HDAC9: variants seen among roughly 807,000 people sequenced by gnomAD.
HDAC9 encodes histone deacetylase 9.
In HDAC9, 41 loss-of-function variants were observed where a neutral mutation model predicts 139.4. That is an observed-to-expected ratio of 0.29 (90% CI 0.23 to 0.38). HDAC9 has a LOEUF of 0.38. Ranked by LOEUF, HDAC9 falls within the 10% of genes least tolerant of loss-of-function variation. The pLI, the probability that HDAC9 is intolerant of heterozygous loss-of-function variation, is 1.00. For missense variants in HDAC9, 1,147 were observed against 1,297.0 expected, an observed-to-expected ratio of 0.88 and a Z score of 1.78; for synonymous variants, 517 against 476.2, an observed-to-expected ratio of 1.09 and a Z score of -1.12.
intron 17 of HDAC9, among the ~76,000 whole-genome samples, chr7:18,827,012 G>A (rs1562968639): frequency 6.6e-6 from 1 of 151,374 alleles, no homozygotes; most frequent in Admixed American, 6.6e-5. Context: ...CAGCACTTTG[G>A]GACTCCAAGG....
chr7:18,101,942 A>T (rs1334350733), intron 1 of HDAC9, among the ~76,000 whole-genome samples: 1 of 152,212 alleles, frequency 6.6e-6, no homozygotes, highest in Non-Finnish European at 1.5e-5. Context: ...CTCATAAATT[A>T]CTATATTTTA....
chr7:18,637,518 GA>G (rs1784281124), intron 8 of HDAC9, among the ~76,000 whole-genome samples: 1 of 151,872 alleles, frequency 6.6e-6, no homozygotes, highest in South Asian at 2.1e-4. Flanking sequence ...ATTAAAAAAA[GA>G]AAAACAAAAC....
At chr7:18,762,127 G>GT in intron 14 of HDAC9, 30 bp from the exon 15 acceptor site, 1 of 1,612,658 alleles carries the variant, frequency 6.2e-7, no homozygotes, top group South Asian at 1.1e-5. Flanking sequence ...TGTCAGTGGT[G>GT]TACTGTTGGC....
intron 2 of HDAC9, among the ~76,000 whole-genome samples, chr7:18,511,727 A>C (rs1017531722): frequency 6.6e-5 from 10 of 152,190 alleles, no homozygotes; most frequent in Non-Finnish European, 1.0e-4. Context: ...CAGGTAACAG[A>C]GATTATCTTT....
intron 1 of HDAC9, among the ~76,000 whole-genome samples, chr7:18,418,481 A>T (rs1178973147): frequency 6.6e-6 from 1 of 151,714 alleles, no homozygotes; most frequent in Non-Finnish European, 1.5e-5. Flanking sequence ...TAAAAATAAG[A>T]TAATGAAATA....
intron 1 of HDAC9, among the ~76,000 whole-genome samples, chr7:18,117,978 G>T (rs1013111764): frequency 1.3e-5 from 2 of 152,112 alleles, no homozygotes; most frequent in Non-Finnish European, 2.9e-5. Context: ...ACTGGGCTCT[G>T]TTTCCTCCCC....
At chr7:18,219,029 C>A (rs561733178) in intron 2 of HDAC9, among the ~76,000 whole-genome samples, 18 of 151,998 alleles carry the variant, frequency 1.2e-4, no homozygotes, top group Admixed American at 2.0e-4. Flanking sequence ...ATTGCCATAA[C>A]AAAATGATGC....
At chr7:18,707,988 A>G (rs1285335141) in intron 12 of HDAC9, among the ~76,000 whole-genome samples, 3 of 152,146 alleles carry the variant, frequency 2.0e-5, no homozygotes, top group Non-Finnish European at 4.4e-5. Flanking sequence ...ATACAGGAGC[A>G]TGGATGATTG....
chr7:18,531,772 G>A (rs964977575), intron 2 of HDAC9, among the ~76,000 whole-genome samples: 3 of 151,808 alleles, frequency 2.0e-5, no homozygotes, highest in Non-Finnish European at 4.4e-5. Flanking sequence ...CTTAACCTCC[G>A]AGAACCACAC....
intron 17 of HDAC9, among the ~76,000 whole-genome samples, chr7:18,813,399 C>T (rs976401491): frequency 6.6e-6 from 1 of 152,058 alleles, no homozygotes. Context: ...CATCCTTCTT[C>T]TTCCTAGTCA....
chr7:18,647,929 A>G lies in HDAC9; in HGVS notation c.1180A>G (p.Ser394Gly), dbSNP rs1787967018. The G allele has an allele frequency of 6.2e-7, 1 of 1,612,954 alleles. No homozygotes were observed. The change falls in exon 10 of 26, where the codon AGC (serine) becomes GGC (glycine). Residue 394 changes from serine (S) to glycine (G), a missense_variant. This residue lies in a region of HDAC9 where 264 missense variants were observed against 273.8 expected (regional missense o/e 0.96). Coordinates refer to ENST00000686413, the MANE Select transcript of HDAC9 (RefSeq NM_178425.4). ...TTTAGAGGGAAAGCCACCCAACAGC[A>G]GCCACCAGGCTCTCCTGCAGCATTT... The part of the protein sequence containing the change: ...VTLEGKPPNS[S>G]HQALLQHLLL...
intron 25 of HDAC9, among the ~76,000 whole-genome samples, chr7:18,986,152 A>G (rs756206733): frequency 2.4e-4 from 1 of 4,088 alleles, no homozygotes; most frequent in South Asian, 4.1e-3. Context: ...GCCCATGCCT[A>G]TGTCCTGAAT....
chr7:18,211,457 A>T (rs1459671302), intron 2 of HDAC9, among the ~76,000 whole-genome samples: 2 of 152,204 alleles, frequency 1.3e-5, no homozygotes, highest in Non-Finnish European at 2.9e-5. Flanking sequence ...GCATGTGAAA[A>T]TGACGTGCTT....
At chr7:18,212,217 C>T (rs1791989701) in intron 2 of HDAC9, among the ~76,000 whole-genome samples, 1 of 152,062 alleles carries the variant, frequency 6.6e-6, no homozygotes, top group Admixed American at 6.6e-5. Flanking sequence ...AAAAAATCTT[C>T]TTTATCTTTT....
intron 23 of HDAC9, among the ~76,000 whole-genome samples, chr7:18,945,694 T>G (rs942203361): frequency 6.6e-6 from 1 of 152,120 alleles, no homozygotes; most frequent in Non-Finnish European, 1.5e-5. Flanking sequence ...GAGGTCAGGT[T>G]TGTTTGTTTC....
chr7:18,333,948 A>G (rs1165702152), intron 1 of HDAC9, among the ~76,000 whole-genome samples: 1 of 151,272 alleles, frequency 6.6e-6, no homozygotes, highest in Non-Finnish European at 1.5e-5. Flanking sequence ...AAAAATAGAA[A>G]TTATAAGCTA....
intron 1 of HDAC9, among the ~76,000 whole-genome samples, chr7:18,442,976 G>T (rs1791928260): frequency 6.6e-6 from 1 of 152,160 alleles, no homozygotes; most frequent in Non-Finnish European, 1.5e-5. Flanking sequence ...ATAGCTGATT[G>T]ACTCCTAATA....
At chr7:18,090,491 A>G (rs2128057541) in intron 1 of HDAC9, among the ~76,000 whole-genome samples, 1 of 152,338 alleles carries the variant, frequency 6.6e-6, no homozygotes, top group Non-Finnish European at 1.5e-5. Context: ...CATAGTCCAC[A>G]TATTTCTCTG....
intron 1 of HDAC9, among the ~76,000 whole-genome samples, chr7:18,123,123 C>T (rs1395261929): frequency 6.6e-6 from 1 of 152,042 alleles, no homozygotes; most frequent in Non-Finnish European, 1.5e-5. Context: ...TTCCTTCCTC[C>T]AACAGAAAAT....
Sources: allele counts gnomAD v4.1 joint callset (sites outside exome capture counted in the v4.1 genomes callset), GRCh38; gene constraint gnomAD v4.1.1; regional missense constraint gnomAD v4.1.1; transcripts MANE v1.5; gene names NCBI Gene and HGNC (gene_info 2026-07-23, HGNC 2026-07-21).